The following WASHC5 variants were observed in gnomAD, a reference collection of about 807,000 sequenced individuals.
The protein encoded by WASHC5 is WASH complex subunit strumpellin.
WASHC5 carries 101 observed loss-of-function variants against 150.4 expected under a neutral mutation model. The ratio of observed to expected loss-of-function variants is 0.67; its 90% confidence interval spans 0.57 to 0.79. The LOEUF (loss-of-function observed/expected upper bound fraction) is 0.79, where lower values mean the gene tolerates loss of function less well. WASHC5 is among the 30% of genes least tolerant of loss of function. The pLI, the probability that WASHC5 is intolerant of heterozygous loss-of-function variation, is 0.00. For missense variants in WASHC5, 1,195 were observed against 1,396.3 expected (o/e 0.86, Z 2.30); for synonymous variants, 467 against 491.2 (o/e 0.95, Z 0.65).
Position 125,047,307 on chromosome 8 carries a change from G to C in WASHC5, c.2404C>G (p.Gln802Glu). The change falls in exon 20 of 29, where the codon CAG becomes GAG. Residue 802 changes from glutamine (Q) to glutamate (E), a missense_variant. Gln to Glu is a conservative substitution (Grantham distance 29, BLOSUM62 2). This residue lies in a region of WASHC5 where 997 missense variants were observed against 1,168.1 expected (regional missense o/e 0.85). Coordinates refer to ENST00000318410, the MANE Select transcript of WASHC5 (RefSeq NM_014846.4). Reference protein sequence around the residue: ...TKIQDWQSMYQSTHIPIPKFT... With the variant: ...TKIQDWQSMYESTHIPIPKFT... ...TTGGGTATTGGAATATGAGTGGACT[G>C]GTACATGCTTTGCCAATCTTGAATC... The C allele has an allele frequency of 6.2e-7, 1 of 1,613,730 alleles. No individual in the cohort carries two copies. Among genetic ancestry groups the C allele is most frequent in the African/African-American group, 1.3e-5 (1 of 74,996 alleles).
chr8:125,067,986 T>G (rs1352606446), intron 9 of WASHC5, among the ~76,000 whole-genome samples: 5 of 152,342 alleles, frequency 3.3e-5, no homozygotes, highest in African/African-American at 9.6e-5. Context: ...TTCCAAATTT[T>G]GTGAGCATTC....
At chr8:125,087,687 C>T (rs1246999012) in intron 1 of WASHC5, among the ~76,000 whole-genome samples, 8 of 147,046 alleles carry the variant, frequency 5.4e-5, no homozygotes, top group South Asian at 2.1e-4. Context: ...GAGCCATGAT[C>T]GTGCCACTGC....
rs1488910605 is a variant in WASHC5 at position 125,043,822 on chromosome 8, T to C, written c.2850+3A>G. On this transcript the variant is annotated splice_donor_region_variant and intron_variant, in intron 23 of 28. Transcript: ENST00000318410. ...ACTGTACACCCTCTCTTCTACAACA[T>C]ACCTTCATTATAGCCTCGAGATACG... 1 of 1,598,310 alleles carries C rather than the reference T, an allele frequency of 6.3e-7. No individual in the cohort carries two copies. Among genetic ancestry groups the C allele is most frequent in the South Asian group, 1.1e-5 (1 of 90,726 alleles).
Position 125,024,609 on chromosome 8 carries a change from A to G in WASHC5, c.*8T>C. On this transcript the variant is annotated 3_prime_UTR_variant, in exon 29 of 29. Transcript: ENST00000318410. ...ACAATCCTTCCATTGAAGAAGTAGGAAAAACAGTTACAGCACTGTTCTGAA... is the reference window on the plus strand; with the variant it reads ...ACAATCCTTCCATTGAAGAAGTAGGGAAAACAGTTACAGCACTGTTCTGAA... The G allele has an allele frequency of 6.3e-7, 1 of 1,595,476 alleles. No individual in the cohort carries two copies. Among genetic ancestry groups the G allele is most frequent in the Non-Finnish European group, 8.6e-7 (1 of 1,163,050 alleles).
intron 16 of WASHC5, among the ~76,000 whole-genome samples, chr8:125,056,204 T>C (rs1230562289): frequency 6.6e-6 from 1 of 152,232 alleles, no homozygotes; most frequent in Non-Finnish European, 1.5e-5. Flanking sequence ...TTTTGATGTC[T>C]TTAAATTCTA....
intron 3 of WASHC5, 140 bp from the exon 4 acceptor site, chr8:125,082,607 A>C (rs1817299938): frequency 1.5e-6 from 1 of 650,758 alleles, no homozygotes; most frequent in South Asian, 1.8e-5. Context: ...CATGCTCTTA[A>C]GAATACAGTC....
rs545318648 is a variant in WASHC5 at position 125,043,993 on chromosome 8, G to A, written c.2769C>T (p.Val923=). 2.2e-5 allele frequency: 36 copies of A among 1,609,778 alleles called. No individual in the cohort carries two copies. The highest frequency in any genetic ancestry group is 1.0e-4 in the Admixed American group (6 of 60,000). Residue 923 remains valine, a splice_region_variant and synonymous_variant, in exon 22 of 29, where the codon GTC becomes GTT. Transcript: ENST00000318410. The stretch of plus-strand genomic sequence containing the variant: ...CTCAGGTAGTTTCAGGACACTCACC[G>A]ACAATACTTTTTAGGGGACTGACAG... ...MNAVSPLKSI[V]ANSNKIYFSA...
intron 14 of WASHC5, 26 bp from the exon 15 acceptor site, chr8:125,057,692 T>C: frequency 7.1e-7 from 1 of 1,399,486 alleles, no homozygotes; most frequent in Non-Finnish European, 1.0e-6. Context: ...GGTATATCTG[T>C]TTCTTGTTTC....
intron 20 of WASHC5, among the ~76,000 whole-genome samples, chr8:125,046,921 G>A (rs1250276302): frequency 1.3e-5 from 2 of 152,172 alleles, no homozygotes; most frequent in Non-Finnish European, 2.9e-5. Context: ...GCTCCTATGA[G>A]AATCTAGCAC....
intron 9 of WASHC5, among the ~76,000 whole-genome samples, chr8:125,068,384 GACA>G (rs1816808832): frequency 6.6e-6 from 1 of 152,184 alleles, no homozygotes; most frequent in Admixed American, 6.5e-5. Context: ...CTTCCTGGTT[GACA>G]ACACTTCATA....
At chr8:125,066,507 G>A (rs1005984075) in intron 10 of WASHC5, among the ~76,000 whole-genome samples, 1 of 152,164 alleles carries the variant, frequency 6.6e-6, no homozygotes, top group Non-Finnish European at 1.5e-5. Context: ...TGCCCATACA[G>A]GCTTCTTCAG....
chr8:125,058,982 C>A (rs1183064806), intron 14 of WASHC5, among the ~76,000 whole-genome samples: 4 of 152,174 alleles, frequency 2.6e-5, no homozygotes, highest in Non-Finnish European at 5.9e-5. Context: ...AAAATCTATT[C>A]TTCACCTAAA....
In WASHC5 at chr8:125,049,028, C is replaced by A; in HGVS notation, c.2357G>T (p.Cys786Phe). Residue 786 changes from cysteine (C) to phenylalanine (F), a missense_variant, in exon 19 of 29, where the codon TGT (cysteine) becomes TTT (phenylalanine). By Grantham distance (205) the Cys-to-Phe change is radical (BLOSUM62 -2). Coordinates refer to ENST00000318410, the MANE Select transcript of WASHC5 (RefSeq NM_014846.4). Reference sequence around the variant, plus strand: ...TACCTTCGTTCTTAGAAAGTTATTACACTCTTGCTCCACGTTGTAATTTAT... The same window carrying A: ...TACCTTCGTTCTTAGAAAGTTATTAAACTCTTGCTCCACGTTGTAATTTAT... ...RIINYNVEQECNNFLRTKIQD... is the reference protein window; with the variant it reads ...RIINYNVEQEFNNFLRTKIQD... 1 of 1,612,820 alleles carries A rather than the reference C, an allele frequency of 6.2e-7. No individual in the cohort carries two copies. The highest frequency in any genetic ancestry group is 8.5e-7 in the Non-Finnish European group (1 of 1,179,192).
chr8:125,047,054 G>A (rs566117681), intron 20 of WASHC5, among the ~76,000 whole-genome samples, 153 bp downstream of exon 20: 23 of 152,244 alleles, frequency 1.5e-4, no homozygotes, highest in African/African-American at 4.6e-4. Flanking sequence ...AGTCTGCAGC[G>A]CAGGGGTTAG....
Position 125,047,259 on chromosome 8 carries a change from C to T in WASHC5, c.2452G>A (p.Val818Ile), listed in dbSNP as rs1234664493. The change falls in exon 20 of 29, where the codon GTA (valine) becomes ATA (isoleucine). Residue 818 changes from valine to isoleucine, a missense_variant. Coordinates refer to ENST00000318410, the MANE Select transcript of WASHC5 (RefSeq NM_014846.4). ...IPKFTPVDES[V>I]TFIGRLCREI... ...CTGCAGAGTCGACCAATAAACGTTA[C>T]AGACTCATCCACAGGGGTAAACTTG... The T allele has an allele frequency of 6.2e-7, 1 of 1,614,128 alleles. No individual in the cohort carries two copies. The highest frequency in any genetic ancestry group is 1.3e-5 in the African/African-American group (1 of 75,062).
rs534621913 is a variant in WASHC5 at position 125,073,172 on chromosome 8, C to T, written c.1131G>A (p.Met377Ile). ...CATTACCTGAGTCTGCTGTATGAAG[C>T]ATCAGCCATCGGATGGCAACATTGC... Reference protein sequence around the residue: ...RDCNVAIRWLMLHTADSACDP... With the variant: ...RDCNVAIRWLILHTADSACDP... Residue 377 changes from methionine (M) to isoleucine (I), a missense_variant, in exon 9 of 29, where the codon ATG (methionine) becomes ATA (isoleucine). Physicochemically the swap from Met to Ile is conservative, Grantham distance 10. Around this residue, in one of 3 missense-constraint regions of WASHC5, gnomAD observed 997 missense variants for 1,168.1 expected, o/e 0.85. Coordinates refer to ENST00000318410, the MANE Select transcript of WASHC5 (RefSeq NM_014846.4). 3 of 1,614,122 alleles carry T rather than the reference C, an allele frequency of 1.9e-6. No individual in the cohort carries two copies. In the African/African-American group the frequency reaches 4.0e-5, roughly 22 times the overall value.
chr8:125,044,744 T>C, intron 20 of WASHC5, 46 bp from the exon 21 acceptor site: 1 of 1,592,346 alleles, frequency 6.3e-7, no homozygotes, highest in Non-Finnish European at 8.6e-7. Context: ...TCAGAATTCA[T>C]CCTTAAAGAG....
chr8:125,066,281 A>G (rs1472689591), intron 10 of WASHC5, among the ~76,000 whole-genome samples: 1 of 152,168 alleles, frequency 6.6e-6, no homozygotes, highest in Non-Finnish European at 1.5e-5. Flanking sequence ...GTCAGTATCT[A>G]TTTTTTCTGA....
chr8:125,082,747 A>T (rs1223538244), intron 3 of WASHC5: 4 of 409,752 alleles, frequency 9.8e-6, no homozygotes, highest in African/African-American at 2.0e-5. Flanking sequence ...TATCTAGTCT[A>T]AAAGTTAATG....
Sources: gnomAD v4.1 joint callset for allele counts (sites outside exome capture counted in the v4.1 genomes callset) on GRCh38, gnomAD v4.1.1 for gene constraint, gnomAD v4.1.1 regional missense constraint, MANE v1.5 for transcripts, NCBI Gene and HGNC (gene_info 2026-07-23, HGNC 2026-07-21) for gene names.